Variants in GRID2 observed in about 807,000 individuals in gnomAD.
GRID2 encodes the protein glutamate receptor ionotropic, delta-2.
GRID2 carries 33 observed loss-of-function variants against 114.8 expected under a neutral mutation model. The ratio of observed to expected loss-of-function variants is 0.29; its 90% CI spans 0.22 to 0.38. The LOEUF is 0.38. Ranked by LOEUF, GRID2 falls within the 10% of genes least tolerant of loss-of-function variation. The probability of loss-of-function intolerance (pLI) is 1.00; values close to 1 mark genes in which losing one functional copy is unlikely to be tolerated. For missense variants in GRID2, 1,184 were observed against 1,257.7 expected (o/e 0.94, Z 0.89); for synonymous variants, 505 against 449.9 (o/e 1.12, Z -1.55).
chr4:93,565,409 T>G (rs1243964974), intron 13 of GRID2, among the ~76,000 whole-genome samples: 1 of 152,068 alleles, frequency 6.6e-6, no homozygotes, highest in Non-Finnish European at 1.5e-5. Context: ...CCACTGCAAA[T>G]GAATCTACAA....
chr4:93,503,230 G>C (rs1403495386), intron 12 of GRID2, among the ~76,000 whole-genome samples: 1 of 152,046 alleles, frequency 6.6e-6, no homozygotes, highest in Non-Finnish European at 1.5e-5. Flanking sequence ...GACTGGAGTT[G>C]GCAGGCAGAG....
intron 2 of GRID2, among the ~76,000 whole-genome samples, chr4:92,814,200 T>G (rs1560607634): frequency 6.6e-6 from 1 of 152,124 alleles, no homozygotes; most frequent in African/African-American, 2.4e-5. Context: ...TTGGATCTTA[T>G]TTTACTTTTG....
chr4:93,043,556 C>T (rs964650855), intron 2 of GRID2, among the ~76,000 whole-genome samples: 1 of 152,132 alleles, frequency 6.6e-6, no homozygotes, highest in South Asian at 2.1e-4. Flanking sequence ...GAGTTTATTT[C>T]CGAAAGTGTG....
chr4:93,533,794 T>C (rs937224996), intron 13 of GRID2, among the ~76,000 whole-genome samples: 6 of 152,080 alleles, frequency 3.9e-5, no homozygotes, highest in Non-Finnish European at 8.8e-5. Context: ...GCAATAGCTT[T>C]CTACCAAGTC....
intron 2 of GRID2, among the ~76,000 whole-genome samples, chr4:93,027,003 G>A (rs1723942281): frequency 6.6e-6 from 1 of 152,072 alleles, no homozygotes; most frequent in African/African-American, 2.4e-5. Context: ...GAAGTGAGAG[G>A]AAGAAAGGGG....
At chr4:93,099,209 C>G (rs1438580501) in intron 3 of GRID2, among the ~76,000 whole-genome samples, 2 of 151,674 alleles carry the variant, frequency 1.3e-5, no homozygotes, top group Admixed American at 1.3e-4. Context: ...CATGTACCTC[C>G]TTTTTTGGTT....
intron 1 of GRID2, among the ~76,000 whole-genome samples, chr4:92,451,432 A>G (rs1292809165): frequency 6.6e-6 from 1 of 152,188 alleles, no homozygotes; most frequent in Non-Finnish European, 1.5e-5. Flanking sequence ...AAATTATTTG[A>G]CCACTAGGCA....
intron 1 of GRID2, among the ~76,000 whole-genome samples, chr4:92,414,405 C>T (rs1731489831): frequency 6.6e-6 from 1 of 152,130 alleles, no homozygotes; most frequent in Non-Finnish European, 1.5e-5. Flanking sequence ...AAGGAGAATA[C>T]ATGGTGATAT....
chr4:92,505,845 C>A (rs7669356), intron 1 of GRID2, among the ~76,000 whole-genome samples: 8,671 of 151,926 alleles, frequency 0.057, 277 homozygotes, highest in East Asian at 0.084. Context: ...AAGTATTGTT[C>A]ACAAAAGAAG....
chr4:92,475,509 C>T (rs998678321), intron 1 of GRID2, among the ~76,000 whole-genome samples: 1 of 151,728 alleles, frequency 6.6e-6, no homozygotes, highest in African/African-American at 2.4e-5. Context: ...TCTAGTCTGT[C>T]TGCATTGTTC....
intron 9 of GRID2, among the ~76,000 whole-genome samples, chr4:93,408,946 AC>A (rs1339503987): frequency 6.6e-6 from 1 of 152,166 alleles, no homozygotes; most frequent in African/African-American, 2.4e-5. Context: ...AAAACCTGTC[AC>A]CTTATTCTTA....
chr4:93,545,035 T>A (rs1397119294), intron 13 of GRID2, among the ~76,000 whole-genome samples: 1 of 152,176 alleles, frequency 6.6e-6, no homozygotes, highest in Non-Finnish European at 1.5e-5. Flanking sequence ...CACTTCTTTA[T>A]AACTCTACCA....
At chr4:93,538,839 A>T (rs1732368286) in intron 13 of GRID2, among the ~76,000 whole-genome samples, 2 of 151,744 alleles carry the variant, frequency 1.3e-5, no homozygotes, top group Non-Finnish European at 3.0e-5. Flanking sequence ...AGACATAACA[A>T]CTAAATGTAA....
intron 9 of GRID2, among the ~76,000 whole-genome samples, chr4:93,404,840 T>G (rs552336495): frequency 1.3e-5 from 2 of 152,144 alleles, no homozygotes. Context: ...TATGTAGATA[T>G]GATATTCTAT....
intron 8 of GRID2, among the ~76,000 whole-genome samples, chr4:93,312,674 C>T (rs569639398): frequency 2.6e-5 from 4 of 152,196 alleles, no homozygotes; most frequent in African/African-American, 4.8e-5. Context: ...ACCCCTTAAA[C>T]GGAAGGAGTT....
At chr4:93,337,905 G>A (rs1037895207) in intron 8 of GRID2, among the ~76,000 whole-genome samples, 1 of 151,962 alleles carries the variant, frequency 6.6e-6, no homozygotes, top group African/African-American at 2.4e-5. Context: ...TACACCCTTT[G>A]CCTTCCCTAG....
At position 92,864,217 on chromosome 4, in the gene GRID2, A is replaced by G. The variant is rs150435930; in HGVS notation, c.245-220778A>G. Reference sequence around the variant, plus strand: ...CAACACATTGAAGACTGTCCTTTTCAAAAGTCTGGCAAAAGAAATTTGGAT... The same window carrying G: ...CAACACATTGAAGACTGTCCTTTTCGAAAGTCTGGCAAAAGAAATTTGGAT... On this transcript the variant is annotated intron_variant, in intron 2 of 15. Coordinates refer to ENST00000282020, the MANE Select transcript of GRID2 (RefSeq NM_001510.4). 3.6e-3 allele frequency among the ~76,000 whole-genome samples: 556 copies of G among 152,332 alleles called. 2 individuals are homozygous for G. The highest frequency in any genetic ancestry group is 0.013 in the African/African-American group (531 of 41,586).
intron 13 of GRID2, among the ~76,000 whole-genome samples, chr4:93,596,148 C>A (rs1445137157): frequency 6.6e-6 from 1 of 152,166 alleles, no homozygotes; most frequent in Non-Finnish European, 1.5e-5. Flanking sequence ...TTGAGCCATT[C>A]AGATACAAAT....
chr4:92,705,115 T>C (rs1026555234), intron 2 of GRID2, among the ~76,000 whole-genome samples: 3 of 152,178 alleles, frequency 2.0e-5, no homozygotes, highest in African/African-American at 7.2e-5. Flanking sequence ...TATGCAGTTA[T>C]ATGAAAGATA....
Sources: allele counts gnomAD v4.1 joint callset (sites outside exome capture counted in the v4.1 genomes callset), GRCh38; gene constraint gnomAD v4.1.1; transcripts MANE v1.5; gene names NCBI Gene and HGNC (gene_info 2026-07-23, HGNC 2026-07-21).